The following RPRD1B variants were observed in gnomAD, a reference collection of about 807,000 sequenced individuals.
The protein encoded by RPRD1B is regulation of nuclear pre-mRNA domain containing 1B.
A neutral mutation model predicts 41.5 loss-of-function variants in RPRD1B; 11 were observed. That is an observed-to-expected ratio of 0.27 (90% confidence interval 0.17 to 0.44). The LOEUF (loss-of-function observed/expected upper bound fraction) is 0.44. Among genes scored for constraint, RPRD1B ranks in the 20% least tolerant of loss-of-function variants. The pLI is 1.00. For synonymous variants in RPRD1B, 158 were observed against 155.6 expected (o/e 1.02, Z -0.12); for missense variants, 248 against 389.9 (o/e 0.64, Z 3.06).
At chr20:38,077,716 CT>C (rs1347853007) in intron 6 of RPRD1B, among the ~76,000 whole-genome samples, 4 of 152,218 alleles carry the variant, frequency 2.6e-5, no homozygotes, top group African/African-American at 9.6e-5. Context: ...TCTGTCCCCC[CT>C]GGATCCTTGC....
chr20:38,035,542 G>C lies in RPRD1B; in HGVS notation c.151+1444G>C, dbSNP rs148030797. Among the ~76,000 whole-genome samples, 1,078 of 152,300 alleles carry C rather than the reference G, an allele frequency of 7.1e-3. 5 individuals are homozygous for C. The highest frequency in any genetic ancestry group is 0.021 in the African/African-American group (864 of 41,558). ...CAGTTCTAGCCCTTTAGCAGGGACT[G>C]CCCCCAAATATCGCGTACTGTACTG... On this transcript the variant is annotated intron_variant, in intron 1 of 6. Transcript: ENST00000373433.
intron 5 of RPRD1B, 44 bp from the exon 6 acceptor site, chr20:38,066,037 T>A: frequency 1.3e-6 from 2 of 1,590,918 alleles, no homozygotes; most frequent in Non-Finnish European, 1.7e-6. Context: ...CATACCTGTG[T>A]GATTTGTATA....
chr20:38,064,412 C>A (rs1274186177), intron 5 of RPRD1B, among the ~76,000 whole-genome samples: 1 of 152,208 alleles, frequency 6.6e-6, no homozygotes, highest in African/African-American at 2.4e-5. Flanking sequence ...TGCGAGCTCT[C>A]ACCTCTGACA....
Position 38,091,797 on chromosome 20 carries a change from G to C in RPRD1B, c.*1922G>C. 1 of 985,828 alleles carries C rather than the reference G, an allele frequency of 1.0e-6. No individual in the cohort carries two copies. Among genetic ancestry groups the C allele is most frequent in the Non-Finnish European group, 1.2e-6 (1 of 829,926 alleles). 61.1% of individuals were successfully genotyped at this position (985,828 alleles called of 1,614,324 possible). Reference sequence around the variant, plus strand: ...TGATCAACTAGATGAAAATATAGCAGAATGGATTTAGCCCACTGCTCTGTT... The same window carrying C: ...TGATCAACTAGATGAAAATATAGCACAATGGATTTAGCCCACTGCTCTGTT... On this transcript the variant is annotated 3_prime_UTR_variant, in exon 7 of 7. Transcript: ENST00000373433.
chr20:38,076,034 TG>T (rs2074456410), intron 6 of RPRD1B, among the ~76,000 whole-genome samples: 1 of 152,232 alleles, frequency 6.6e-6, no homozygotes, highest in African/African-American at 2.4e-5. Flanking sequence ...GCAGCCTTTC[TG>T]AGAATTATTG....
chr20:38,045,907 C>T (rs1600683017), intron 2 of RPRD1B, among the ~76,000 whole-genome samples: 1 of 152,148 alleles, frequency 6.6e-6, no homozygotes, highest in East Asian at 1.9e-4. Flanking sequence ...CATTAGGGAC[C>T]TCCCATTGCC....
intron 6 of RPRD1B, among the ~76,000 whole-genome samples, 187 bp from the exon 7 acceptor site, chr20:38,089,539 T>C (rs2074593830): frequency 6.6e-6 from 1 of 152,196 alleles, no homozygotes; most frequent in Non-Finnish European, 1.5e-5. Context: ...TCTGCGTTCC[T>C]TTTTTGATAG....
intron 2 of RPRD1B, among the ~76,000 whole-genome samples, chr20:38,045,376 G>T (rs1247226908): frequency 1.3e-5 from 2 of 152,036 alleles, no homozygotes; most frequent in African/African-American, 4.8e-5. Context: ...CTTCCATTTC[G>T]CTGGAGCTAC....
chr20:38,063,984 A>G (rs1455784667), intron 5 of RPRD1B, among the ~76,000 whole-genome samples: 3 of 152,260 alleles, frequency 2.0e-5, no homozygotes, highest in Non-Finnish European at 1.5e-5. Flanking sequence ...AATCTTAAAA[A>G]TTAGTATTTG....
intron 6 of RPRD1B, among the ~76,000 whole-genome samples, chr20:38,075,270 A>G (rs778744391): frequency 4.6e-5 from 7 of 152,218 alleles, no homozygotes; most frequent in Non-Finnish European, 7.3e-5. Context: ...CTAGGACTTC[A>G]TTGAGCTTAT....
intron 2 of RPRD1B, among the ~76,000 whole-genome samples, chr20:38,041,218 G>T (rs2074063101): frequency 6.6e-6 from 1 of 152,138 alleles, no homozygotes; most frequent in African/African-American, 2.4e-5. Context: ...TAAATTAGGT[G>T]CCCAGGAAAA....
In RPRD1B at chr20:38,042,486, C is replaced by G. The variant is rs137993825; in HGVS notation, c.281+1922C>G. On this transcript the variant is annotated intron_variant, in intron 2 of 6. Transcript: ENST00000373433. The stretch of plus-strand genomic sequence containing the variant: ...TTTTTTCTTGGGAACACCTTAAAAA[C>G]TAGCCAGGTTTTAGGTGTCTTGGCA... Among the ~76,000 whole-genome samples, 164 of 152,284 alleles carry G rather than the reference C, an allele frequency of 1.1e-3. 1 individual carries two copies. Among genetic ancestry groups the G allele is most frequent in the African/African-American group, 3.7e-3 (153 of 41,552 alleles).
chr20:38,092,178 T>G lies in RPRD1B; in HGVS notation c.*2303T>G. The G allele has an allele frequency of 1.0e-6, 1 of 985,838 alleles. No individual in the cohort carries two copies. Among genetic ancestry groups the G allele is most frequent in the African/African-American group, 1.7e-5 (1 of 57,352 alleles). 61.1% of individuals were successfully genotyped at this position (985,838 alleles called of 1,614,324 possible). A position where few individuals can be genotyped will look rare whatever the true frequency, so the allele number is the denominator to read the frequency against. On this transcript the variant is annotated 3_prime_UTR_variant, in exon 7 of 7. Transcript: ENST00000373433. ...AAAGGACCTTTCCTTTAGGTCATAT[T>G]CCTCAGAAAGTCTTCAATCTTCCCT...
At position 38,091,694 on chromosome 20, in the gene RPRD1B, G is replaced by A. The variant is rs747182140; in HGVS notation, c.*1819G>A. 2.0e-6 allele frequency: 2 copies of A among 985,452 alleles called. No individual in the cohort carries two copies. Among genetic ancestry groups the A allele is most frequent in the African/African-American group, 3.5e-5 (2 of 57,192 alleles). The allele number at this position is 985,452 out of a possible 1,614,324, so 61.0% of individuals were successfully genotyped here. A position where few individuals can be genotyped will look rare whatever the true frequency, so the allele number is the denominator to read the frequency against. On this transcript the variant is annotated 3_prime_UTR_variant, in exon 7 of 7. Transcript: ENST00000373433. ...CGTGTTTTGGAGCAGGCCCATCTGG[G>A]ACACTCTATGCTTTCACCAAGGAAG...
At position 38,033,775 on chromosome 20, in the gene RPRD1B, G is replaced by C. The variant is rs2073957695; in HGVS notation, c.-173G>C. 1 of 603,000 alleles carries C rather than the reference G, an allele frequency of 1.7e-6. No individual in the cohort carries two copies. Among genetic ancestry groups the C allele is most frequent in the South Asian group, 2.2e-5 (1 of 45,362 alleles). 37.4% of individuals were successfully genotyped at this position (603,000 alleles called of 1,614,324 possible). A position where few individuals can be genotyped will look rare whatever the true frequency, so the allele number is the denominator to read the frequency against. On this transcript the variant is annotated 5_prime_UTR_variant, in exon 1 of 7. Coordinates refer to ENST00000373433, the MANE Select transcript of RPRD1B (RefSeq NM_021215.4). ...GGTGGCCATCTTGTGGCGGCGGCGC[G>C]GGCGGCTGTTACTGCGGAGACCCAT...
chr20:38,089,339 T>C (rs777386884), intron 6 of RPRD1B, among the ~76,000 whole-genome samples: 1 of 152,174 alleles, frequency 6.6e-6, no homozygotes, highest in Non-Finnish European at 1.5e-5. Flanking sequence ...GTGTTTTTTT[T>C]CTTGCCATAT....
chr20:38,061,641 TTC>T (rs2074298511), intron 5 of RPRD1B, among the ~76,000 whole-genome samples: 1 of 152,190 alleles, frequency 6.6e-6, no homozygotes. Context: ...ACTGCCTCAT[TTC>T]TCTGTTCTTT....
intron 6 of RPRD1B, among the ~76,000 whole-genome samples, chr20:38,084,994 TGGGCTA>T (rs926130482): frequency 6.6e-6 from 1 of 152,204 alleles, no homozygotes; most frequent in African/African-American, 2.4e-5. Context: ...ACGGCTCTTC[TGGGCTA>T]GGGCAGGTTT....
At position 38,091,285 on chromosome 20, in the gene RPRD1B, C is replaced by T. The variant is rs1037315309; in HGVS notation, c.*1410C>T. The T allele has an allele frequency of 4.1e-6, 4 of 985,524 alleles. No individual in the cohort carries two copies. In the African/African-American group the frequency reaches 7.0e-5, roughly 17 times the overall value. The allele number at this position is 985,524 out of a possible 1,614,324, so 61.0% of individuals were successfully genotyped here. A position where few individuals can be genotyped will look rare whatever the true frequency, so the allele number is the denominator to read the frequency against. On this transcript the variant is annotated 3_prime_UTR_variant, in exon 7 of 7. Coordinates refer to ENST00000373433, the MANE Select transcript of RPRD1B (RefSeq NM_021215.4). Reference sequence around the variant, plus strand: ...TAATTTGTGTTGCTACTTCCAGGATCACCAAAAATTACATGTAATTTTACA... The same window carrying T: ...TAATTTGTGTTGCTACTTCCAGGATTACCAAAAATTACATGTAATTTTACA...
Sources: gnomAD v4.1 joint callset for allele counts (sites outside exome capture counted in the v4.1 genomes callset) on GRCh38, gnomAD v4.1.1 for gene constraint, MANE v1.5 for transcripts, NCBI Gene and HGNC (gene_info 2026-07-23, HGNC 2026-07-21) for gene names.